DNAH9: variants seen among roughly 807,000 people sequenced by gnomAD.
DNAH9 encodes the protein DNAH9 variant protein.
A neutral mutation model predicts 471.6 loss-of-function variants in DNAH9; 345 were observed. The ratio of observed to expected loss-of-function variants is 0.73; its 90% confidence interval spans 0.67 to 0.80. The LOEUF (loss-of-function observed/expected upper bound fraction) is 0.80, where lower values mean the gene tolerates loss of function less well. DNAH9 is among the 30% of genes least tolerant of loss of function. The probability of loss-of-function intolerance (pLI) is 0.00; values close to 1 mark genes in which losing one functional copy is unlikely to be tolerated. For synonymous variants in DNAH9, 2,093 were observed against 2,123.6 expected (o/e 0.99, Z 0.40); for missense variants, 5,407 against 5,609.2 (o/e 0.96, Z 1.15).
In DNAH9 at chr17:11,902,798, A is replaced by C. The variant is rs754681320; in HGVS notation, c.11486A>C (p.Glu3829Ala). 3 of 1,613,962 alleles carry C rather than the reference A, an allele frequency of 1.9e-6. No individual in the cohort carries two copies. Among genetic ancestry groups the C allele is most frequent in the Non-Finnish European group, 2.5e-6 (3 of 1,179,928 alleles). ...GSAKSWKKFV[E>A]SECPEKEKLP... is the part of the protein sequence containing the mutation. ...GCTAAGAGCTGGAAAAAGTTTGTGGAGTCCGAATGTCCTGAGAAAGAGAAG... is the reference window on the plus strand; with the variant it reads ...GCTAAGAGCTGGAAAAAGTTTGTGGCGTCCGAATGTCCTGAGAAAGAGAAG... Residue 3829 changes from glutamate to alanine, a missense_variant, in exon 60 of 69, where the codon GAG (glutamate) becomes GCG (alanine). Around this residue, in one of 3 missense-constraint regions of DNAH9, gnomAD observed 4,636 missense variants for 4,900.3 expected, o/e 0.95. Coordinates refer to ENST00000262442, the MANE Select transcript of DNAH9 (RefSeq NM_001372.4).
intron 50 of DNAH9, among the ~76,000 whole-genome samples, chr17:11,855,290 G>T (rs753756283): frequency 1.1e-4 from 17 of 152,082 alleles, no homozygotes; most frequent in Non-Finnish European, 2.2e-4. Flanking sequence ...AAAACGTTAA[G>T]GTGTTACTTA....
intron 17 of DNAH9, among the ~76,000 whole-genome samples, chr17:11,679,039 TCTA>T (rs1408856735): frequency 2.6e-5 from 4 of 152,344 alleles, no homozygotes; most frequent in African/African-American, 9.6e-5. Context: ...TTTTAGATCT[TCTA>T]CTCAGTTATT....
At chr17:11,598,943 G>A (rs770616278) in intron 1 of DNAH9, 28 bp downstream of exon 1, 6 of 1,435,048 alleles carry the variant, frequency 4.2e-6, no homozygotes, top group East Asian at 2.9e-5. Context: ...TCCCCGCGCG[G>A]CTAAAGCTGG....
At chr17:11,776,248 T>C (rs1968427156) in intron 38 of DNAH9, among the ~76,000 whole-genome samples, 1 of 152,008 alleles carries the variant, frequency 6.6e-6, no homozygotes, top group Non-Finnish European at 1.5e-5. Context: ...CAGTTGCTAA[T>C]ATCAGGTTAA....
intron 27 of DNAH9, among the ~76,000 whole-genome samples, chr17:11,720,447 A>T (rs1446239926): frequency 6.6e-6 from 1 of 151,868 alleles, no homozygotes; most frequent in African/African-American, 2.4e-5. Context: ...GTAATAACAG[A>T]TTATCTCCCT....
chr17:11,831,086 C>G (rs1485460115), intron 48 of DNAH9, among the ~76,000 whole-genome samples: 1 of 152,154 alleles, frequency 6.6e-6, no homozygotes. Flanking sequence ...AGCTGGATGA[C>G]TATATGGACA....
At chr17:11,806,250 C>T (rs758851298) in intron 43 of DNAH9, among the ~76,000 whole-genome samples, 4 of 152,272 alleles carry the variant, frequency 2.6e-5, no homozygotes, top group African/African-American at 9.6e-5. Flanking sequence ...AAGTACATGT[C>T]GGTGCCGTCA....
chr17:11,869,317 G>T, intron 51 of DNAH9, 64 bp downstream of exon 51: 2 of 1,592,618 alleles, frequency 1.3e-6, no homozygotes, highest in Non-Finnish European at 1.7e-6. Context: ...ATGCCGTGGA[G>T]GTGCAAGATA....
At chr17:11,802,666 G>A (rs1414685349) in intron 43 of DNAH9, among the ~76,000 whole-genome samples, 5 of 149,364 alleles carry the variant, frequency 3.3e-5, no homozygotes, top group African/African-American at 1.2e-4. Context: ...AAAAAAAAGT[G>A]GGAGTAGGAC....
At chr17:11,934,100 C>T (rs769260656) in intron 65 of DNAH9, 29 bp downstream of exon 65, 19 of 1,596,114 alleles carry the variant, frequency 1.2e-5, no homozygotes, top group East Asian at 1.1e-4. Context: ...CTTCTGATGT[C>T]GTGAGGGTGC....
intron 67 of DNAH9, among the ~76,000 whole-genome samples, chr17:11,955,930 T>C (rs1452204111): frequency 1.3e-5 from 2 of 152,212 alleles, no homozygotes; most frequent in Non-Finnish European, 2.9e-5. Flanking sequence ...GTAAACCAAA[T>C]TGTTTGCACA....
chr17:11,611,737 C>G lies in DNAH9; in HGVS notation c.861C>G (p.Ser287Arg). Residue 287 changes from serine to arginine, a missense_variant, in exon 4 of 69, where the codon AGC becomes AGG. Physicochemically the swap from Ser to Arg is moderately radical, Grantham distance 110 (BLOSUM62 -1). Around this residue, in one of 3 missense-constraint regions of DNAH9, gnomAD observed 767 missense variants for 692.5 expected, o/e 1.11. Transcript: ENST00000262442. ...AGCTCCTGGACAAGCTTCAGAGTAG[C>G]TACTTTCCAGCTTTCAAAGCCATGT... The part of the protein sequence containing the change: ...MAKLLDKLQS[S>R]YFPAFKAMYR... 6.2e-7 allele frequency: 1 copy of G among 1,614,096 alleles called. No homozygotes were observed. The highest frequency in any genetic ancestry group is 8.5e-7 in the Non-Finnish European group (1 of 1,179,918).
At chr17:11,756,372 G>C (rs1368848588) in intron 33 of DNAH9, among the ~76,000 whole-genome samples, 196 bp from the exon 34 acceptor site, 1 of 152,026 alleles carries the variant, frequency 6.6e-6, no homozygotes, top group East Asian at 1.9e-4. Context: ...GTCTCCCACT[G>C]GGTCCCTCCC....
intron 48 of DNAH9, among the ~76,000 whole-genome samples, chr17:11,830,440 C>T (rs1381478525): frequency 6.6e-6 from 1 of 152,192 alleles, no homozygotes; most frequent in Admixed American, 6.5e-5. Flanking sequence ...TTCAGTTTAT[C>T]TTGGGGTTTT....
chr17:11,807,701 A>G (rs747944500), intron 43 of DNAH9, 31 bp from the exon 44 acceptor site: 3 of 1,585,708 alleles, frequency 1.9e-6, no homozygotes, highest in East Asian at 2.3e-5. Context: ...AGTCTGATCA[A>G]AGCAACATGT....
intron 14 of DNAH9, among the ~76,000 whole-genome samples, chr17:11,655,647 G>GAC (rs377732008): frequency 5.5e-4 from 80 of 145,364 alleles, no homozygotes; most frequent in South Asian, 9.0e-4. Flanking sequence ...TATATACATA[G>GAC]ACACACACAC....
chr17:11,661,037 G>A (rs189840590), intron 14 of DNAH9, among the ~76,000 whole-genome samples: 2 of 149,468 alleles, frequency 1.3e-5, no homozygotes, highest in African/African-American at 5.1e-5. Context: ...TTTTTGTCAT[G>A]TGTTTGAAGT....
chr17:11,752,250 A>G (rs966040966), intron 32 of DNAH9, among the ~76,000 whole-genome samples: 7 of 152,200 alleles, frequency 4.6e-5, no homozygotes, highest in African/African-American at 1.7e-4. Context: ...CCAAGACTGC[A>G]ATTACAAAGC....
chr17:11,709,530 C>T (rs1469170691), intron 26 of DNAH9, among the ~76,000 whole-genome samples: 1 of 152,150 alleles, frequency 6.6e-6, no homozygotes, highest in Non-Finnish European at 1.5e-5. Flanking sequence ...ATCCATACAA[C>T]CTTTGCACAT....
Sources: gnomAD v4.1 joint callset for allele counts (sites outside exome capture counted in the v4.1 genomes callset) on GRCh38, gnomAD v4.1.1 for gene constraint, gnomAD v4.1.1 regional missense constraint, MANE v1.5 for transcripts, NCBI Gene and HGNC (gene_info 2026-07-23, HGNC 2026-07-21) for gene names.